Variants in TMEM245 observed in about 807,000 individuals in gnomAD.
TMEM245 encodes transmembrane protein 245, also known as protein CG-2.
TMEM245 carries 69 observed loss-of-function variants against 101.2 expected under a neutral mutation model. The observed-to-expected ratio is 0.68, with a 90% confidence interval of 0.56 to 0.83. The LOEUF is 0.83. Ranked by LOEUF, TMEM245 falls within the 40% of genes least tolerant of loss-of-function variation. The pLI is 0.00. For missense variants in TMEM245, 1,075 were observed against 1,092.8 expected (o/e 0.98, Z 0.23); for synonymous variants, 537 against 449.8 (o/e 1.19, Z -2.45).
At chr9:109,109,101 C>G (rs986826365) in intron 1 of TMEM245, among the ~76,000 whole-genome samples, 2 of 152,224 alleles carry the variant, frequency 1.3e-5, no homozygotes, top group African/African-American at 4.8e-5. Flanking sequence ...CTGAAATAAT[C>G]TAGGCAACAA....
chr9:109,106,473 A>G (rs1291850699), intron 3 of TMEM245, 35 bp downstream of exon 3: 2 of 1,355,490 alleles, frequency 1.5e-6, no homozygotes, highest in South Asian at 1.5e-5. Flanking sequence ...AAAATACTTC[A>G]AAGAGTAGTA....
At chr9:109,067,509 C>T (rs963850691) in intron 9 of TMEM245, among the ~76,000 whole-genome samples, 1 of 152,156 alleles carries the variant, frequency 6.6e-6, no homozygotes, top group Non-Finnish European at 1.5e-5. Context: ...ACCAAGAGAA[C>T]AACCCTGATT....
chr9:109,033,058 CA>C (rs1439529599), intron 17 of TMEM245, among the ~76,000 whole-genome samples: 9 of 152,296 alleles, frequency 5.9e-5, no homozygotes, highest in Admixed American at 2.6e-4. Context: ...CTTGTTCTCC[CA>C]AAGTGCTGGG....
At chr9:109,073,329 T>C in intron 9 of TMEM245, 27 bp downstream of exon 9, 1 of 1,559,216 alleles carries the variant, frequency 6.4e-7, no homozygotes, top group South Asian at 1.1e-5. Context: ...CATTCATCTC[T>C]CTTCTTTTTC....
chr9:109,020,546 A>G (rs376478094), intron 17 of TMEM245, 41 bp from the exon 18 acceptor site: 2 of 1,560,202 alleles, frequency 1.3e-6, no homozygotes, highest in Non-Finnish European at 1.8e-6. Context: ...GATTACCATA[A>G]AACAGTATCC....
chr9:109,028,290 A>G (rs1827846574), intron 17 of TMEM245, among the ~76,000 whole-genome samples: 1 of 151,712 alleles, frequency 6.6e-6, no homozygotes, highest in African/African-American at 2.4e-5. Context: ...TCTCTACTAA[A>G]AATACAAAAA....
intron 3 of TMEM245, among the ~76,000 whole-genome samples, chr9:109,100,216 G>A (rs1044820087): frequency 2.0e-5 from 3 of 152,192 alleles, no homozygotes; most frequent in Admixed American, 6.5e-5. Context: ...ATGCAAGAAG[G>A]ATGAGTACTC....
intron 9 of TMEM245, 172 bp downstream of exon 9, chr9:109,073,184 C>A: frequency 1.7e-6 from 1 of 589,284 alleles, no homozygotes; most frequent in Non-Finnish European, 3.0e-6. Flanking sequence ...ACTTTCCTCC[C>A]ACCCTCTGTA....
chr9:109,110,074 T>C (rs1830528442), intron 1 of TMEM245, among the ~76,000 whole-genome samples: 1 of 152,150 alleles, frequency 6.6e-6, no homozygotes, highest in African/African-American at 2.4e-5. Context: ...AGATGAAATA[T>C]TAAAGAGCTT....
intron 12 of TMEM245, among the ~76,000 whole-genome samples, chr9:109,053,209 T>C (rs151025927): frequency 0.01 from 1,534 of 152,292 alleles, 10 homozygotes; most frequent in Non-Finnish European, 0.013. Context: ...GCGGATCAGT[T>C]GAAGCCAGGA....
At chr9:109,071,928 GAGTA>G (rs1829347486) in intron 9 of TMEM245, among the ~76,000 whole-genome samples, 1 of 113,836 alleles carries the variant, frequency 8.8e-6, no homozygotes. Flanking sequence ...AAGGACTAGA[GAGTA>G]AGTATTTTAG....
chr9:109,050,758 G>A lies in TMEM245; in HGVS notation c.1855-66C>T, dbSNP rs1828653874. 3 of 1,591,268 alleles carry A rather than the reference G, an allele frequency of 1.9e-6. No homozygotes were observed. In the African/African-American group the frequency reaches 4.1e-5, roughly 22 times the overall value. Reference sequence around the variant, plus strand: ...TGAAAAAAGTTTCTAGAGCCATCTAGTGTGCTTTTAATACAGTGTTTTAGT... The same window carrying A: ...TGAAAAAAGTTTCTAGAGCCATCTAATGTGCTTTTAATACAGTGTTTTAGT... On this transcript the variant is annotated intron_variant, in intron 12 of 17. Coordinates refer to ENST00000374586, the MANE Select transcript of TMEM245 (RefSeq NM_032012.4).
chr9:109,099,682 A>G (rs1043273564), intron 3 of TMEM245, among the ~76,000 whole-genome samples: 1 of 152,250 alleles, frequency 6.6e-6, no homozygotes, highest in Admixed American at 6.5e-5. Context: ...AGCCTTACTT[A>G]TAGGAGATAA....
chr9:109,059,732 G>A lies in TMEM245; in HGVS notation c.1722+622C>T, dbSNP rs373944457. Among the ~76,000 whole-genome samples, 8 of 151,780 alleles carry A rather than the reference G, an allele frequency of 5.3e-5. No homozygotes were observed. In the East Asian group the frequency reaches 5.8e-4, roughly 11 times the overall value. The stretch of plus-strand genomic sequence containing the variant: ...AATAAAAAATAAAAGATCTCTAAGC[G>A]TTTAGATTCAGTTTCACTTTCTCAA... On this transcript the variant is annotated intron_variant, in intron 11 of 17. Transcript: ENST00000374586.
chr9:109,023,520 G>C (rs1827697940), intron 17 of TMEM245, among the ~76,000 whole-genome samples: 1 of 152,260 alleles, frequency 6.6e-6, no homozygotes, highest in East Asian at 1.9e-4. Flanking sequence ...AGGAATCACA[G>C]TATAGAATTT....
intron 14 of TMEM245, among the ~76,000 whole-genome samples, chr9:109,043,192 T>C (rs552261445): frequency 6.6e-6 from 1 of 152,326 alleles, no homozygotes; most frequent in South Asian, 2.1e-4. Flanking sequence ...ATTTTTTGGA[T>C]AGTCAATTTC....
chr9:109,118,634 T>C (rs1045601725), intron 1 of TMEM245, among the ~76,000 whole-genome samples: 1 of 152,244 alleles, frequency 6.6e-6, no homozygotes, highest in South Asian at 2.1e-4. Flanking sequence ...TCAGCTGCTT[T>C]ACTCCAGGCG....
intron 14 of TMEM245, 49 bp from the exon 15 acceptor site, chr9:109,038,166 C>T (rs767254821): frequency 2.7e-6 from 4 of 1,454,746 alleles, no homozygotes; most frequent in South Asian, 2.5e-5. Context: ...AGTGTCATAT[C>T]GTGATTCAGA....
At chr9:109,066,826 C>T (rs1829185240) in intron 9 of TMEM245, among the ~76,000 whole-genome samples, 1 of 151,902 alleles carries the variant, frequency 6.6e-6, no homozygotes, top group Non-Finnish European at 1.5e-5. Context: ...GAGGCCGAGG[C>T]GGGTGGATCA....
Sources: allele counts gnomAD v4.1 joint callset (sites outside exome capture counted in the v4.1 genomes callset), GRCh38; gene constraint gnomAD v4.1.1; transcripts MANE v1.5; gene names NCBI Gene and HGNC (gene_info 2026-07-23, HGNC 2026-07-21).